Variants in ROBO2 observed in about 807,000 individuals in gnomAD.
ROBO2 encodes the protein roundabout guidance receptor 2.
Under a neutral mutation model 160.8 loss-of-function variants are expected in ROBO2, and 53 were observed. The observed-to-expected ratio is 0.33, with a 90% CI of 0.26 to 0.41. The LOEUF is 0.41. ROBO2 is among the 10% of genes least tolerant of loss of function. ROBO2 has a pLI of 1.00. For missense variants in ROBO2, 1,577 were observed against 1,722.4 expected (o/e 0.92, Z 1.49); for synonymous variants, 664 against 611.7 (o/e 1.09, Z -1.26).
intron 2 of ROBO2, among the ~76,000 whole-genome samples, chr3:77,252,433 G>A: frequency 6.6e-6 from 1 of 152,106 alleles, no homozygotes; most frequent in East Asian, 1.9e-4. Context: ...CAAGATGTGT[G>A]CATAGCTTAT....
intron 2 of ROBO2, among the ~76,000 whole-genome samples, chr3:77,235,954 T>C (rs1026958215): frequency 1.3e-5 from 2 of 152,192 alleles, no homozygotes; most frequent in African/African-American, 4.8e-5. Context: ...CCACAGCTGA[T>C]GTTAGGGTGT....
At chr3:76,668,504 C>G (rs543120074) in intron 2 of ROBO2, among the ~76,000 whole-genome samples, 1 of 152,192 alleles carries the variant, frequency 6.6e-6, no homozygotes, top group South Asian at 2.1e-4. Flanking sequence ...TTATGTCCTA[C>G]CCAAAGACAT....
intron 2 of ROBO2, among the ~76,000 whole-genome samples, chr3:76,758,073 C>T (rs1324931370): frequency 1.3e-5 from 2 of 151,698 alleles, no homozygotes; most frequent in Admixed American, 1.3e-4. Flanking sequence ...TCTAATATTT[C>T]ATTAAAGGCA....
intron 13 of ROBO2, 104 bp from the exon 15 acceptor site, chr3:77,574,395 A>C: frequency 1.1e-6 from 1 of 918,300 alleles, no homozygotes; most frequent in Non-Finnish European, 1.8e-6. Context: ...CACTCAGTTG[A>C]TAGTTATGAG....
At chr3:76,441,632 T>C (rs62263791) in intron 2 of ROBO2, among the ~76,000 whole-genome samples, 8,480 of 152,196 alleles carry the variant, frequency 0.056, 246 homozygotes, top group Middle Eastern at 0.1. Context: ...CATCAGCAGT[T>C]GAATAAAAAC....
chr3:75,964,074 G>A (rs923749940), intron 2 of ROBO2, among the ~76,000 whole-genome samples: 1 of 151,648 alleles, frequency 6.6e-6, no homozygotes, highest in African/African-American at 2.4e-5. Context: ...CATTGACCAG[G>A]TTAATCATGT....
intron 2 of ROBO2, among the ~76,000 whole-genome samples, chr3:76,087,451 A>G (rs987200458): frequency 2.6e-5 from 4 of 152,176 alleles, no homozygotes; most frequent in African/African-American, 9.6e-5. Context: ...AAAGAGAAAG[A>G]AAGACATTCT....
intron 2 of ROBO2, among the ~76,000 whole-genome samples, chr3:76,494,343 T>C (rs1280354100): frequency 6.6e-6 from 1 of 152,192 alleles, no homozygotes. Flanking sequence ...ATTTACTTAA[T>C]ACACGTTTTA....
intron 2 of ROBO2, among the ~76,000 whole-genome samples, chr3:76,913,926 G>T (rs902979454): frequency 2.0e-5 from 3 of 149,850 alleles, no homozygotes; most frequent in African/African-American, 7.5e-5. Context: ...CTTTAGAGGA[G>T]TAACTGTGAA....
chr3:76,704,617 C>G (rs1436149209), intron 2 of ROBO2, among the ~76,000 whole-genome samples: 1 of 152,112 alleles, frequency 6.6e-6, no homozygotes, highest in East Asian at 1.9e-4. Context: ...TACTTCCTTT[C>G]CATGCTTGGG....
At chr3:77,629,939 GA>G (rs1199965874) in intron 23 of ROBO2, 5 of 152,168 alleles carry the variant, frequency 3.3e-5, no homozygotes, top group African/African-American at 7.2e-5. Flanking sequence ...TTGTCTAGGA[GA>G]GGAAACACAT....
chr3:76,095,802 G>A (rs949205377), intron 2 of ROBO2, among the ~76,000 whole-genome samples: 1 of 150,398 alleles, frequency 6.6e-6, no homozygotes, highest in African/African-American at 2.4e-5. Flanking sequence ...TAATCATCTG[G>A]TAAATATAAC....
At chr3:76,163,558 T>C (rs1357827240) in intron 2 of ROBO2, among the ~76,000 whole-genome samples, 1 of 150,004 alleles carries the variant, frequency 6.7e-6, no homozygotes, top group Non-Finnish European at 1.5e-5. Flanking sequence ...ATTATATGTA[T>C]ATACATATAT....
intron 13 of ROBO2, among the ~76,000 whole-genome samples, chr3:77,572,049 A>G (rs574844523): frequency 4.6e-5 from 7 of 152,030 alleles, no homozygotes; most frequent in Non-Finnish European, 1.0e-4. Flanking sequence ...TAGCTTCATA[A>G]AGTCCCTAAA....
intron 2 of ROBO2, among the ~76,000 whole-genome samples, chr3:76,528,224 G>A (rs1444815602): frequency 2.6e-5 from 4 of 152,076 alleles, no homozygotes; most frequent in African/African-American, 9.7e-5. Flanking sequence ...AAACTTTTGA[G>A]CAGAGGAATG....
chr3:77,215,399 T>C (rs1284062229), intron 2 of ROBO2, among the ~76,000 whole-genome samples: 3 of 152,186 alleles, frequency 2.0e-5, no homozygotes, highest in African/African-American at 7.2e-5. Flanking sequence ...GCATTCATCA[T>C]GTAGTTCTCG....
chr3:77,140,076 T>C (rs1318885458), intron 2 of ROBO2, among the ~76,000 whole-genome samples: 3 of 152,200 alleles, frequency 2.0e-5, no homozygotes, highest in Non-Finnish European at 4.4e-5. Flanking sequence ...ATTTTTGTAA[T>C]TTTAAACTCT....
intron 2 of ROBO2, among the ~76,000 whole-genome samples, chr3:76,492,108 C>T (rs184652756): frequency 2.6e-5 from 4 of 151,900 alleles, no homozygotes; most frequent in Admixed American, 6.6e-5. Flanking sequence ...CAGAGCAAGA[C>T]GCCATCTCAA....
intron 2 of ROBO2, among the ~76,000 whole-genome samples, chr3:76,528,423 A>G (rs889161129): frequency 6.6e-6 from 1 of 152,068 alleles, no homozygotes; most frequent in African/African-American, 2.4e-5. Context: ...TATTTTGAAT[A>G]TATATAATAG....
Sources: allele counts gnomAD v4.1 joint callset (sites outside exome capture counted in the v4.1 genomes callset), GRCh38; gene constraint gnomAD v4.1.1; transcripts MANE v1.5; gene names NCBI Gene and HGNC (gene_info 2026-07-23, HGNC 2026-07-21).